The following CATSPERB variants were observed in gnomAD, a reference collection of about 807,000 sequenced individuals.
CATSPERB encodes the protein catsper channel auxiliary subunit beta, also known as cation channel sperm-associated auxiliary subunit beta.
A neutral mutation model predicts 128.3 loss-of-function variants in CATSPERB; 93 were observed. The observed-to-expected ratio is 0.72, with a 90% CI of 0.61 to 0.86. CATSPERB has a LOEUF of 0.86. Ranked by LOEUF, CATSPERB falls within the 40% of genes least tolerant of loss-of-function variation. The pLI, the probability that CATSPERB is intolerant of heterozygous loss-of-function variation, is 0.00. For synonymous variants in CATSPERB, 381 were observed against 448.8 expected (o/e 0.85, Z 1.91); for missense variants, 1,153 against 1,329.5 (o/e 0.87, Z 2.06).
intron 17 of CATSPERB, among the ~76,000 whole-genome samples, chr14:91,633,389 A>G (rs796343469): frequency 6.6e-6 from 1 of 152,148 alleles, no homozygotes; most frequent in African/African-American, 2.4e-5. Context: ...CAAGGAACAA[A>G]ATATTCCAGT....
chr14:91,611,164 A>G (rs1893818542), intron 20 of CATSPERB, among the ~76,000 whole-genome samples: 1 of 152,256 alleles, frequency 6.6e-6, no homozygotes, highest in Non-Finnish European at 1.5e-5. Flanking sequence ...AAAGAAAAGA[A>G]ATACAAAAAG....
intron 13 of CATSPERB, among the ~76,000 whole-genome samples, chr14:91,671,838 T>C (rs1895095315): frequency 6.6e-6 from 1 of 151,780 alleles, no homozygotes; most frequent in Non-Finnish European, 1.5e-5. Flanking sequence ...GAGACCACGG[T>C]GAAACCCTGC....
In CATSPERB at chr14:91,645,929, G is replaced by A. The variant is rs879858384; in HGVS notation, c.1433-6679C>T. 3.9e-3 allele frequency among the ~76,000 whole-genome samples: 566 copies of A among 146,718 alleles called. 3 individuals carry two copies. Among genetic ancestry groups the A allele is most frequent in the Non-Finnish European group, 6.5e-3 (429 of 66,400 alleles). ...CTCGTGGTGCGCCATTTTTTAAGCC[G>A]GTCTGAAAAGCGCAATATTCGGGTG... On this transcript the variant is annotated intron_variant, in intron 15 of 26. Coordinates refer to ENST00000256343, the MANE Select transcript of CATSPERB (RefSeq NM_024764.4).
rs562063779 is a variant in CATSPERB, at chr14:91,603,259, C to G, written c.2709+5035G>C. On this transcript the variant is annotated intron_variant, in intron 22 of 26. Coordinates refer to ENST00000256343, the MANE Select transcript of CATSPERB (RefSeq NM_024764.4). ...GTTTCTCTCAACTCCTGTTTCAAAG[C>G]CAGCATATATTATTCACCTTCTCCT... The G allele has an allele frequency of 2.8e-5, 31 of 1,096,300 alleles. No individual in the cohort carries two copies. The South Asian group carries it at 3.3e-4, about 12-fold the overall frequency. The allele number at this position is 1,096,300 out of a possible 1,614,324, so 67.9% of individuals were successfully genotyped here.
At chr14:91,695,717 C>T (rs1226608179) in intron 7 of CATSPERB, among the ~76,000 whole-genome samples, 1 of 152,152 alleles carries the variant, frequency 6.6e-6, no homozygotes, top group Non-Finnish European at 1.5e-5. Flanking sequence ...CTGGTTTATA[C>T]TTGAGAACAT....
intron 13 of CATSPERB, among the ~76,000 whole-genome samples, chr14:91,672,273 G>T (rs925155688): frequency 1.3e-5 from 2 of 152,008 alleles, no homozygotes; most frequent in African/African-American, 4.8e-5. Context: ...TTGTTTGTTT[G>T]TTTTTTTGTT....
chr14:91,731,133 AT>A (rs1896202937), intron 1 of CATSPERB, among the ~76,000 whole-genome samples: 1 of 152,190 alleles, frequency 6.6e-6, no homozygotes, highest in Non-Finnish European at 1.5e-5. Context: ...CATTATTAGA[AT>A]CTTTATGCCT....
intron 17 of CATSPERB, among the ~76,000 whole-genome samples, chr14:91,626,482 T>C (rs140207916): frequency 1.8e-3 from 264 of 149,450 alleles, no homozygotes; most frequent in African/African-American, 6.2e-3. Flanking sequence ...GATTAGATCA[T>C]GAGGCTTTGC....
chr14:91,702,956 T>C (rs558516250), intron 7 of CATSPERB, among the ~76,000 whole-genome samples: 3 of 152,088 alleles, frequency 2.0e-5, no homozygotes, highest in Non-Finnish European at 4.4e-5. Context: ...CTTACCTTAA[T>C]AGGATTTTTT....
chr14:91,632,198 G>A (rs1894291707), intron 17 of CATSPERB, among the ~76,000 whole-genome samples: 1 of 152,118 alleles, frequency 6.6e-6, no homozygotes, highest in Admixed American at 6.5e-5. Flanking sequence ...ATTCATTTAT[G>A]TCTTTTATGA....
At chr14:91,649,007 G>A (rs906426703) in intron 15 of CATSPERB, among the ~76,000 whole-genome samples, 1 of 146,208 alleles carries the variant, frequency 6.8e-6, no homozygotes, top group Non-Finnish European at 1.5e-5. Flanking sequence ...TTTTTCCTGT[G>A]TAGCATTTAT....
rs1186677550 is a variant in CATSPERB, at chr14:91,683,831, A to G, written c.931+46T>C. 4 of 1,155,626 alleles carry G rather than the reference A, an allele frequency of 3.5e-6. 1 individual carries two copies. The highest frequency in any genetic ancestry group is 5.0e-6 in the Non-Finnish European group (4 of 793,484). 71.6% of individuals were successfully genotyped at this position (1,155,626 alleles called of 1,614,324 possible). ...GCTGAGCTTGCATTCAGTTACACAT[A>G]TATGTAAAAGTCTCTTAATACAGTA... On this transcript the variant is annotated intron_variant, in intron 11 of 26. Transcript: ENST00000256343.
chr14:91,678,386 A>G (rs1471787382), intron 11 of CATSPERB, among the ~76,000 whole-genome samples: 2 of 152,218 alleles, frequency 1.3e-5, no homozygotes, highest in African/African-American at 4.8e-5. Flanking sequence ...AGATCCAGCT[A>G]TCTTTTATAA....
chr14:91,715,269 T>C (rs1386994433), intron 5 of CATSPERB: 1 of 152,066 alleles, frequency 6.6e-6, no homozygotes, highest in East Asian at 1.9e-4. Flanking sequence ...TTTTAAGATA[T>C]TGACTCTCCC....
At chr14:91,725,279 G>T in intron 2 of CATSPERB, 111 bp from the exon 3 acceptor site, 1 of 466,840 alleles carries the variant, frequency 2.1e-6, no homozygotes, top group Non-Finnish European at 3.6e-6. Flanking sequence ...AATTATAATT[G>T]CACATTTTAA....
chr14:91,587,509 A>C (rs1384149209), intron 25 of CATSPERB, among the ~76,000 whole-genome samples: 1 of 108,036 alleles, frequency 9.3e-6, no homozygotes, highest in African/African-American at 3.4e-5. Flanking sequence ...TTTTTTTAGA[A>C]TGAGGAGACA....
At chr14:91,602,851 T>C (rs1893629894) in intron 22 of CATSPERB, among the ~76,000 whole-genome samples, 1 of 152,176 alleles carries the variant, frequency 6.6e-6, no homozygotes, top group African/African-American at 2.4e-5. Context: ...ATTTCCCTCT[T>C]CTTGCTCTTC....
At chr14:91,615,655 A>G (rs1207153763) in intron 20 of CATSPERB, among the ~76,000 whole-genome samples, 3 of 152,166 alleles carry the variant, frequency 2.0e-5, no homozygotes, top group African/African-American at 7.2e-5. Context: ...GTAGTATTAC[A>G]TTGTGTATAT....
rs750887386 is a variant in CATSPERB, at chr14:91,580,943, C to T, written c.3297G>A (p.Lys1099=). Residue 1099 remains lysine (K), a synonymous_variant, in exon 27 of 27, where the codon AAG becomes AAA. Transcript: ENST00000256343. The stretch of plus-strand genomic sequence containing the variant: ...GCTCACTGAGAGAGATACTTGAAAA[C>T]TTCTCTTGGTTTCTTCTAATCCATC... The part of the protein sequence containing the change: ...FQRWIRRNQE[K]FSSISLSELI... 1.2e-5 allele frequency: 19 copies of T among 1,614,104 alleles called. No individual in the cohort carries two copies. The South Asian group carries it at 1.8e-4, about 15-fold the overall frequency.
Sources: gnomAD v4.1 joint callset for allele counts (sites outside exome capture counted in the v4.1 genomes callset) on GRCh38, gnomAD v4.1.1 for gene constraint, MANE v1.5 for transcripts, NCBI Gene and HGNC (gene_info 2026-07-23, HGNC 2026-07-21) for gene names.